The following ZNF699 variants were observed in gnomAD, a reference collection of about 807,000 sequenced individuals.
ZNF699 encodes hangover homolog.
Under a neutral mutation model 22.5 loss-of-function variants are expected in ZNF699, and 18 were observed. That is an observed-to-expected ratio of 0.80 (90% CI 0.55 to 1.19). ZNF699 has a LOEUF of 1.19. Among genes scored for constraint, ZNF699 ranks in the 50% most tolerant of loss-of-function variants. The probability of loss-of-function intolerance (pLI) is 0.00; values close to 1 mark genes in which losing one functional copy is unlikely to be tolerated. For synonymous variants in ZNF699, 241 were observed against 262.3 expected (o/e 0.92, Z 0.78); for missense variants, 670 against 763.4 (o/e 0.88, Z 1.44).
In ZNF699 at chr19:9,296,247, G is replaced by C. The variant is rs200135869; in HGVS notation, c.1157C>G (p.Thr386Ser). Residue 386 changes from threonine to serine, a missense_variant, in exon 6 of 6, where the codon ACT (threonine) becomes AGT (serine). Physicochemically the swap from Thr to Ser is moderately conservative, Grantham distance 58. Coordinates refer to ENST00000591998, the MANE Select transcript of ZNF699 (RefSeq NM_198535.3). ...SKLTVHGRTHTGEKPYKCKEC... is the reference protein window; with the variant it reads ...SKLTVHGRTHSGEKPYKCKEC... ...CTTACATTTATAGGGTTTCTCTCCA[G>C]TATGTGTCCTCCCATGTACAGTGAG... The C allele has an allele frequency of 1.2e-6, 2 of 1,613,486 alleles. No homozygotes were observed. The highest frequency in any genetic ancestry group is 1.7e-6 in the Non-Finnish European group (2 of 1,179,916).
In ZNF699 at chr19:9,309,763, G is replaced by A. The variant is rs970850703; in HGVS notation, c.-419C>T. 2.6e-5 allele frequency: 4 copies of A among 152,802 alleles called. No individual in the cohort carries two copies. Among genetic ancestry groups the A allele is most frequent in the African/African-American group, 9.6e-5 (4 of 41,470 alleles). 9.5% of individuals were successfully genotyped at this position (152,802 alleles called of 1,614,324 possible). A position where few individuals can be genotyped will look rare whatever the true frequency, so the allele number is the denominator to read the frequency against. On this transcript the variant is annotated 5_prime_UTR_variant, in exon 1 of 6. Transcript: ENST00000591998. ...GGCGGGGCGGGGCAGGGCAGGACAG[G>A]AAGCGGGCGGAGGCAAAAATGTTCC...
chr19:9,300,731 A>G (rs2066304067), intron 3 of ZNF699, among the ~76,000 whole-genome samples: 1 of 152,256 alleles, frequency 6.6e-6, no homozygotes, highest in East Asian at 1.9e-4. Context: ...GACATTTTGC[A>G]GAAGGCAACA....
chr19:9,296,232 T>C lies in ZNF699; in HGVS notation c.1172A>G (p.Tyr391Cys), dbSNP rs931168261. 1 of 1,613,978 alleles carries C rather than the reference T, an allele frequency of 6.2e-7. No homozygotes were observed. The highest frequency in any genetic ancestry group is 1.3e-5 in the African/African-American group (1 of 74,914). ...GGCTTTCCCACATTCCTTACATTTA[T>C]AGGGTTTCTCTCCAGTATGTGTCCT... Reference protein sequence around the residue: ...HGRTHTGEKPYKCKECGKAYN... With the variant: ...HGRTHTGEKPCKCKECGKAYN... The change falls in exon 6 of 6, where the codon TAT becomes TGT. Residue 391 changes from tyrosine to cysteine, a missense_variant. Transcript: ENST00000591998.
Position 9,296,142 on chromosome 19 carries a change from C to T in ZNF699, c.1262G>A (p.Cys421Tyr), listed in dbSNP as rs2066285152. 1 of 1,613,928 alleles carries T rather than the reference C, an allele frequency of 6.2e-7. No individual in the cohort carries two copies. Among genetic ancestry groups the T allele is most frequent in the Non-Finnish European group, 8.5e-7 (1 of 1,180,008 alleles). Residue 421 changes from cysteine to tyrosine, a missense_variant, in exon 6 of 6, where the codon TGT (cysteine) becomes TAT (tyrosine). Transcript: ENST00000591998. ...RKHTGEKPYE[C>Y]LECGKAFYLP... ...GTAGAAGGCCTTTCCACATTCCAGACATTCATACGGTTTTTCTCCAGTGTG... is the reference window on the plus strand; with the variant it reads ...GTAGAAGGCCTTTCCACATTCCAGATATTCATACGGTTTTTCTCCAGTGTG...
At chr19:9,306,442 T>C (rs1599255073) in intron 1 of ZNF699, among the ~76,000 whole-genome samples, 1 of 151,644 alleles carries the variant, frequency 6.6e-6, no homozygotes, top group African/African-American at 2.4e-5. Flanking sequence ...GTATCTGCAG[T>C]GCTGTTTCAC....
At chr19:9,305,607 C>A (rs1047243512) in intron 1 of ZNF699, among the ~76,000 whole-genome samples, 2 of 152,294 alleles carry the variant, frequency 1.3e-5, no homozygotes, top group African/African-American at 4.8e-5. Context: ...ACTTCTGCAC[C>A]CCTTGGCTGG....
rs1216314475 is a variant in ZNF699, at chr19:9,295,743, G to A, written c.1661C>T (p.Thr554Ile). The A allele has an allele frequency of 1.2e-6, 2 of 1,613,492 alleles. No homozygotes were observed. Among genetic ancestry groups the A allele is most frequent in the Admixed American group, 1.7e-5 (1 of 59,988 alleles). ...SALRIHMRTH[T>I]GEKPYECKEC... ...CTTACATTCATAGGGTTTTTCCCCA[G>A]TGTGCGTTCTCATGTGGATCCTAAG... The change falls in exon 6 of 6, where the codon ACT (threonine) becomes ATT (isoleucine). Residue 554 changes from threonine (T) to isoleucine (I), a missense_variant. Transcript: ENST00000591998.
rs761149067 is a variant in ZNF699 at position 9,295,475 on chromosome 19, TTA to T, written c.1927_1928del (p.Ter643AsnfsTer18). On this transcript the variant is annotated frameshift_variant and stop_lost, in exon 6 of 6. Coordinates refer to ENST00000591998, the MANE Select transcript of ZNF699 (RefSeq NM_198535.3). LOFTEE classifies it high-confidence loss of function. ...GCAGACATTCCCATATTCCTTACAT[TTA>T]TATGTTTTCTCTAGTGTGAGTTTTC... ...HVKTHTRENI[*>X] 4.5e-5 allele frequency: 72 copies of T among 1,603,642 alleles called. No homozygotes were observed. Among genetic ancestry groups the T allele is most frequent in the Non-Finnish European group, 5.9e-5 (69 of 1,175,016 alleles).
rs758465110 is a variant in ZNF699, at chr19:9,296,650, C to T, written c.754G>A (p.Glu252Lys). 2 of 1,614,098 alleles carry T rather than the reference C, an allele frequency of 1.2e-6. No individual in the cohort carries two copies. Among genetic ancestry groups the T allele is most frequent in the Non-Finnish European group, 8.5e-7 (1 of 1,180,022 alleles). ...AAGGCTTTGGTACATTCCTTACATT[C>T]ATAGGGCTTCTCTTCAGTGGGGGTT... ...MKTPTEEKPY[E>K]CKECTKAFSC... is the part of the protein sequence containing the mutation. The change falls in exon 6 of 6, where the codon GAA becomes AAA. Residue 252 changes from glutamate to lysine, a missense_variant. Glu to Lys is a moderately conservative substitution (Grantham distance 56). Coordinates refer to ENST00000591998, the MANE Select transcript of ZNF699 (RefSeq NM_198535.3).
In ZNF699 at chr19:9,302,451, A is replaced by T. The variant is rs2066311000; in HGVS notation, c.102T>A (p.Ala34=). The T allele has an allele frequency of 1.2e-6, 2 of 1,614,048 alleles. No homozygotes were observed. The highest frequency in any genetic ancestry group is 1.7e-6 in the Non-Finnish European group (2 of 1,179,942). ...VAVDFTQEEW[A]LLDLAQRNLY... is the part of the protein sequence containing the mutation. Reference sequence around the variant, plus strand: ...GGTTTCTCTGAGCAAGATCCAGCAAAGCCCATTCCTCCTGGGTAAAGTCCA... The same window carrying T: ...GGTTTCTCTGAGCAAGATCCAGCAATGCCCATTCCTCCTGGGTAAAGTCCA... The change falls in exon 3 of 6, where the codon GCT becomes GCA. Residue 34 remains alanine, a synonymous_variant. Transcript: ENST00000591998.
intron 2 of ZNF699, among the ~76,000 whole-genome samples, chr19:9,303,101 C>A (rs145024547): frequency 1.3e-5 from 2 of 152,272 alleles, no homozygotes; most frequent in South Asian, 2.1e-4. Flanking sequence ...TTTTTCCTAC[C>A]CTCTTACATA....
rs570354689 is a variant in ZNF699, at chr19:9,297,790, C to T, written c.286+90G>A. The T allele has an allele frequency of 7.0e-5, 67 of 959,222 alleles. No homozygotes were observed. The highest frequency in any genetic ancestry group is 1.1e-4 in the Non-Finnish European group (66 of 610,118). 59.4% of individuals were successfully genotyped at this position (959,222 alleles called of 1,614,324 possible). A position where few individuals can be genotyped will look rare whatever the true frequency, so the allele number is the denominator to read the frequency against. Reference sequence around the variant, plus strand: ...ATCTGAGCTATCTGTGGAAGATGAGCTTCCTCATATAAAACAAAGTTTGTT... The same window carrying T: ...ATCTGAGCTATCTGTGGAAGATGAGTTTCCTCATATAAAACAAAGTTTGTT... On this transcript the variant is annotated intron_variant, in intron 4 of 5. Transcript: ENST00000591998. This position sits in a 1 kb window ranked among gnomAD's most constrained non-coding sequence, Gnocchi z 4.3.
Position 9,302,361 on chromosome 19 carries a change from A to T in ZNF699, c.175+17T>A. On this transcript the variant is annotated intron_variant, in intron 3 of 5. Transcript: ENST00000591998. ...AACTTTCTAAACAACTACATGAAAG[A>T]ATCTTGCCATTCTTACCTAGTGAGG... is the stretch of plus-strand genomic sequence containing the variant. 1 of 1,613,252 alleles carries T rather than the reference A, an allele frequency of 6.2e-7. No homozygotes were observed. Among genetic ancestry groups the T allele is most frequent in the Non-Finnish European group, 8.5e-7 (1 of 1,179,382 alleles).
intron 5 of ZNF699, 41 bp from the exon 6 acceptor site, chr19:9,296,974 A>T (rs2066289395): frequency 6.9e-7 from 1 of 1,453,218 alleles, no homozygotes; most frequent in African/African-American, 1.4e-5. Flanking sequence ...ATAAATTTCT[A>T]CCAATTTCAG....
rs1249843630 is a variant in ZNF699, at chr19:9,292,021, T to C, written c.*3454A>G. Among the ~76,000 whole-genome samples the C allele has an allele frequency of 6.6e-6, 1 of 152,098 alleles. No homozygotes were observed. The highest frequency in any genetic ancestry group is 2.4e-5 in the African/African-American group (1 of 41,398). Reference sequence around the variant, plus strand: ...CTGGCCAAGCAGCAATCTTTAGCAATCTAAACACATGTTAATGGATGACAC... The same window carrying C: ...CTGGCCAAGCAGCAATCTTTAGCAACCTAAACACATGTTAATGGATGACAC... On this transcript the variant is annotated 3_prime_UTR_variant, in exon 6 of 6. Transcript: ENST00000591998.
Position 9,297,237 on chromosome 19 carries a change from G to A in ZNF699, c.470+59C>T, listed in dbSNP as rs2066290337. 5 of 1,476,752 alleles carry A rather than the reference G, an allele frequency of 3.4e-6. No homozygotes were observed. Among genetic ancestry groups the A allele is most frequent in the African/African-American group, 2.9e-5 (2 of 68,880 alleles). The allele number at this position is 1,476,752 out of a possible 1,614,324, so 91.5% of individuals were successfully genotyped here. ...TATATACATATTTCTTAAATTTCAT[G>A]ACTTTAATTTTAAGATTCTCTCCTG... On this transcript the variant is annotated intron_variant, in intron 5 of 5. Coordinates refer to ENST00000591998, the MANE Select transcript of ZNF699 (RefSeq NM_198535.3). This position sits in a 1 kb window ranked among gnomAD's most constrained non-coding sequence, Gnocchi z 4.3.
At chr19:9,304,659 C>T (rs1484298695) in intron 2 of ZNF699, among the ~76,000 whole-genome samples, 1 of 152,346 alleles carries the variant, frequency 6.6e-6, no homozygotes, top group South Asian at 2.1e-4. Context: ...GGCACGGTGG[C>T]TCATGCCTGT....
In ZNF699 at chr19:9,293,928, T is replaced by TAA. The variant is rs144833884; in HGVS notation, c.*1545_*1546dup. Among the ~76,000 whole-genome samples, 784 of 142,842 alleles carry TAA rather than the reference T, an allele frequency of 5.5e-3. 4 individuals are homozygous for TAA. Among genetic ancestry groups the TAA allele is most frequent in the Non-Finnish European group, 7.6e-3 (501 of 65,804 alleles). 93.7% of individuals were successfully genotyped at this position (142,842 alleles called of 152,430 possible). Reference sequence around the variant, plus strand: ...CTGAAGCAATTCATCTTCTTACATTTAAAAAAAAAAAAAAAGCAGTAAAAT... The same window carrying TAA: ...CTGAAGCAATTCATCTTCTTACATTTAAAAAAAAAAAAAAAAAGCAGTAAAAT... On this transcript the variant is annotated 3_prime_UTR_variant, in exon 6 of 6. Coordinates refer to ENST00000591998, the MANE Select transcript of ZNF699 (RefSeq NM_198535.3).
At position 9,297,228 on chromosome 19, in the gene ZNF699, A is replaced by C. The variant is rs1400318714; in HGVS notation, c.470+68T>G. ...GCTTATTTATATATACATATTTCTTAAATTTCATGACTTTAATTTTAAGAT... is the reference window on the plus strand; with the variant it reads ...GCTTATTTATATATACATATTTCTTCAATTTCATGACTTTAATTTTAAGAT... On this transcript the variant is annotated intron_variant, in intron 5 of 5. Transcript: ENST00000591998. This position sits in a 1 kb window ranked among gnomAD's most constrained non-coding sequence, Gnocchi z 4.3. 1 of 1,455,368 alleles carries C rather than the reference A, an allele frequency of 6.9e-7. No individual in the cohort carries two copies. Among genetic ancestry groups the C allele is most frequent in the African/African-American group, 1.5e-5 (1 of 68,336 alleles). The allele number at this position is 1,455,368 out of a possible 1,614,324, so 90.2% of individuals were successfully genotyped here.
Sources: allele counts gnomAD v4.1 joint callset (sites outside exome capture counted in the v4.1 genomes callset), GRCh38; gene constraint gnomAD v4.1.1; non-coding constraint Gnocchi (gnomAD v3.1); transcripts MANE v1.5; gene names NCBI Gene and HGNC (gene_info 2026-07-23, HGNC 2026-07-21).